The following GALNT13 variants were observed in gnomAD, a reference collection of about 807,000 sequenced individuals.
GALNT13 encodes the protein polypeptide N-acetylgalactosaminyltransferase 13, also known as UDP-GalNAc:polypeptide N-acetylgalactosaminyltransferase 13.
Under a neutral mutation model 64.2 loss-of-function variants are expected in GALNT13, and 28 were observed. The ratio of observed to expected loss-of-function variants is 0.44; its 90% CI spans 0.32 to 0.60. GALNT13 has a LOEUF of 0.60. GALNT13 is among the 20% of genes least tolerant of loss of function. The probability of loss-of-function intolerance (pLI) is 0.05; values close to 1 mark genes in which losing one functional copy is unlikely to be tolerated. For missense variants in GALNT13, 577 were observed against 669.8 expected, an observed-to-expected ratio of 0.86 and a Z score of 1.53; for synonymous variants, 214 against 224.6, an observed-to-expected ratio of 0.95 and a Z score of 0.42.
chr2:153,072,550 G>A, the GALNT13 span, among the ~76,000 whole-genome samples: 1 of 152,158 alleles, frequency 6.6e-6, no homozygotes, highest in Non-Finnish European at 1.5e-5. Context: ...AAATCCTTAT[G>A]CCTTTCTGCG....
intron 4 of GALNT13, among the ~76,000 whole-genome samples, chr2:154,213,642 C>T (rs78555251): frequency 0.025 from 3,788 of 150,498 alleles, 176 homozygotes; most frequent in African/African-American, 0.087. Flanking sequence ...TAGACACAGG[C>T]AGACAATATG....
chr2:153,896,926 T>C (rs2105282394), intron 1 of GALNT13, among the ~76,000 whole-genome samples: 1 of 152,358 alleles, frequency 6.6e-6, no homozygotes, highest in South Asian at 2.1e-4. Flanking sequence ...ACAGAAAATT[T>C]ATAAGAATTG....
chr2:154,164,515 A>G (rs1186096886), intron 4 of GALNT13, among the ~76,000 whole-genome samples: 1 of 152,164 alleles, frequency 6.6e-6, no homozygotes, highest in African/African-American at 2.4e-5. Context: ...ATTTATTACA[A>G]CACACACAAA....
chr2:154,010,913 G>A (rs570493945), intron 3 of GALNT13, among the ~76,000 whole-genome samples: 2 of 151,714 alleles, frequency 1.3e-5, no homozygotes, highest in South Asian at 4.2e-4. Context: ...TTTTTTGTGT[G>A]TGTGTGTGTA....
At chr2:153,256,826 T>C in the GALNT13 span, among the ~76,000 whole-genome samples, 27 of 152,306 alleles carry the variant, frequency 1.8e-4, no homozygotes, top group African/African-American at 1.2e-4. Flanking sequence ...TCTCCAGCTG[T>C]GTGCTGGGAG....
the GALNT13 span, among the ~76,000 whole-genome samples, chr2:153,616,922 C>A: frequency 6.6e-6 from 1 of 151,740 alleles, no homozygotes; most frequent in East Asian, 1.9e-4. Flanking sequence ...ATATATGCAC[C>A]CAACATGGGA....
the GALNT13 span, among the ~76,000 whole-genome samples, chr2:153,521,086 A>G: frequency 6.6e-6 from 1 of 152,204 alleles, no homozygotes; most frequent in Non-Finnish European, 1.5e-5. Context: ...AGTGATGTTT[A>G]GGAAGTACAC....
the GALNT13 span, among the ~76,000 whole-genome samples, chr2:153,489,065 AATAGTGTGTACATAT>A: frequency 6.6e-6 from 1 of 152,222 alleles, no homozygotes; most frequent in Admixed American, 6.5e-5. Context: ...GTGGGAACTA[AATAGTGTGTACATAT>A]GGACATAGGG....
the GALNT13 span, among the ~76,000 whole-genome samples, chr2:153,638,229 A>G: frequency 6.6e-6 from 1 of 152,142 alleles, no homozygotes; most frequent in Non-Finnish European, 1.5e-5. Flanking sequence ...ATCATTGTAA[A>G]GATATTCATT....
At chr2:153,670,608 A>G in the GALNT13 span, among the ~76,000 whole-genome samples, 1 of 152,242 alleles carries the variant, frequency 6.6e-6, no homozygotes, top group Non-Finnish European at 1.5e-5. Flanking sequence ...CCAGAGCAGA[A>G]AGGCTGAAAA....
chr2:153,880,044 A>G lies in GALNT13; in HGVS notation c.-177+7741A>G, dbSNP rs148958764. Among the ~76,000 whole-genome samples the G allele has an allele frequency of 5.9e-3, 894 of 152,288 alleles. 8 individuals are homozygous for G. The highest frequency in any genetic ancestry group is 0.02 in the African/African-American group (829 of 41,578). On this transcript the variant is annotated intron_variant, in intron 1 of 12. Coordinates refer to ENST00000392825, the MANE Select transcript of GALNT13 (RefSeq NM_052917.4). ...TGTTTCAATCCATAACAAAATAACCATATATACTTCAAATACGTAACTAAG... is the reference window on the plus strand; with the variant it reads ...TGTTTCAATCCATAACAAAATAACCGTATATACTTCAAATACGTAACTAAG...
chr2:153,410,118 C>G, the GALNT13 span, among the ~76,000 whole-genome samples: 1 of 152,140 alleles, frequency 6.6e-6, no homozygotes, highest in Non-Finnish European at 1.5e-5. Flanking sequence ...CAGGGTGTCA[C>G]TCTGTCACCT....
the GALNT13 span, among the ~76,000 whole-genome samples, chr2:153,827,041 A>G: frequency 6.6e-6 from 1 of 152,102 alleles, no homozygotes; most frequent in Admixed American, 6.5e-5. Context: ...GAGACTGGAC[A>G]ATTTACAAAA....
At chr2:153,731,731 ATATTT>A in the GALNT13 span, among the ~76,000 whole-genome samples, 1 of 151,958 alleles carries the variant, frequency 6.6e-6, no homozygotes, top group African/African-American at 2.4e-5. Flanking sequence ...GGCATAGGAA[ATATTT>A]TATATTTGCC....
At chr2:153,357,873 C>A in the GALNT13 span, among the ~76,000 whole-genome samples, 1 of 152,132 alleles carries the variant, frequency 6.6e-6, no homozygotes, top group East Asian at 1.9e-4. Flanking sequence ...TTAGCCACAG[C>A]ACTAATTTAC....
At chr2:154,384,624 C>T (rs1337406548) in intron 9 of GALNT13, among the ~76,000 whole-genome samples, 1 of 151,830 alleles carries the variant, frequency 6.6e-6, no homozygotes, top group Admixed American at 6.6e-5. Flanking sequence ...CATGTATATA[C>T]ATAAAAATAT....
At chr2:154,188,255 G>C (rs1165618958) in intron 4 of GALNT13, among the ~76,000 whole-genome samples, 2 of 152,040 alleles carry the variant, frequency 1.3e-5, no homozygotes, top group Admixed American at 1.3e-4. Context: ...TCGGAGTAAG[G>C]GCAGTCCCTG....
the GALNT13 span, among the ~76,000 whole-genome samples, chr2:153,364,939 G>A: frequency 6.6e-6 from 1 of 151,980 alleles, no homozygotes; most frequent in Non-Finnish European, 1.5e-5. Flanking sequence ...GCCAAGACAA[G>A]CCTAAGGAAA....
the GALNT13 span, among the ~76,000 whole-genome samples, chr2:153,103,614 T>C: frequency 6.6e-6 from 1 of 152,252 alleles, no homozygotes; most frequent in Admixed American, 6.5e-5. Flanking sequence ...ACGCTATAAA[T>C]GGATGAGGGA....
Sources: allele counts gnomAD v4.1 joint callset (sites outside exome capture counted in the v4.1 genomes callset), GRCh38; gene constraint gnomAD v4.1.1; transcripts MANE v1.5; gene names NCBI Gene and HGNC (gene_info 2026-07-23, HGNC 2026-07-21).